Variants in FSTL4 observed in about 807,000 individuals in gnomAD.
FSTL4 encodes the protein follistatin-related protein 4.
FSTL4 carries 28 observed loss-of-function variants against 78.2 expected under a neutral mutation model. The observed-to-expected ratio is 0.36, with a 90% CI of 0.27 to 0.49. The LOEUF is 0.49. Among genes scored for constraint, FSTL4 ranks in the 20% least tolerant of loss-of-function variants. The pLI, the probability that FSTL4 is intolerant of heterozygous loss-of-function variation, is 0.98. For synonymous variants in FSTL4, 422 were observed against 440.5 expected (o/e 0.96, Z 0.53); for missense variants, 922 against 1,084.9 (o/e 0.85, Z 2.11).
At chr5:133,841,334 A>T in the FSTL4 span, among the ~76,000 whole-genome samples, 1 of 152,212 alleles carries the variant, frequency 6.6e-6, no homozygotes, top group Non-Finnish European at 1.5e-5. Flanking sequence ...AGCCATCCAG[A>T]CAATAAATAC....
At chr5:133,412,281 A>C (rs1359048387) in intron 3 of FSTL4, among the ~76,000 whole-genome samples, 2 of 152,176 alleles carry the variant, frequency 1.3e-5, no homozygotes, top group Non-Finnish European at 2.9e-5. Context: ...TAAAATCAAT[A>C]TGAGATCAAC....
the FSTL4 span, among the ~76,000 whole-genome samples, chr5:133,783,063 T>G: frequency 6.6e-6 from 1 of 152,142 alleles, no homozygotes; most frequent in East Asian, 1.9e-4. Context: ...CGCTACAAAG[T>G]TTACATTTCG....
chr5:133,609,581 A>G (rs1761048037), intron 1 of FSTL4, among the ~76,000 whole-genome samples: 1 of 152,260 alleles, frequency 6.6e-6, no homozygotes, highest in Non-Finnish European at 1.5e-5. Context: ...GAAATTAGGC[A>G]TGGAGATATA....
In FSTL4 at chr5:133,233,399, A is replaced by T; in HGVS notation, c.1015+18T>A. ...GGGAGGCTATGAGGGGACAACATGCATGGAGCCATTTACTAACCATTCACC... is the reference window on the plus strand; with the variant it reads ...GGGAGGCTATGAGGGGACAACATGCTTGGAGCCATTTACTAACCATTCACC... On this transcript the variant is annotated intron_variant, in intron 8 of 15. Transcript: ENST00000265342. The T allele has an allele frequency of 1.2e-6, 2 of 1,613,890 alleles. No homozygotes were observed. Among genetic ancestry groups the T allele is most frequent in the Non-Finnish European group, 1.7e-6 (2 of 1,179,948 alleles).
At chr5:133,793,396 G>A in the FSTL4 span, among the ~76,000 whole-genome samples, 98 of 152,376 alleles carry the variant, frequency 6.4e-4, no homozygotes, top group African/African-American at 2.3e-3. Flanking sequence ...GTGCTCCCAG[G>A]CACCCTGCTG....
At chr5:133,735,721 C>T in the FSTL4 span, among the ~76,000 whole-genome samples, 29,699 of 152,094 alleles carry the variant, frequency 0.2, 3,615 homozygotes, top group African/African-American at 0.34. Context: ...GAGGCCTCTG[C>T]AAGCTGAAGA....
chr5:133,328,151 C>G (rs931424879), intron 4 of FSTL4, among the ~76,000 whole-genome samples: 2 of 152,220 alleles, frequency 1.3e-5, no homozygotes, highest in Non-Finnish European at 2.9e-5. Context: ...GCAGACCTTG[C>G]GCCTGGTTCC....
chr5:133,301,430 C>T (rs1046923878), intron 6 of FSTL4, among the ~76,000 whole-genome samples: 3 of 152,126 alleles, frequency 2.0e-5, no homozygotes, highest in Non-Finnish European at 4.4e-5. Flanking sequence ...AAGCAACAGG[C>T]TCTGGAGAGT....
upstream of FSTL4, among the ~76,000 whole-genome samples, chr5:133,613,804 T>C (rs1761154419): frequency 1.3e-5 from 2 of 152,222 alleles, no homozygotes; most frequent in African/African-American, 4.8e-5. Context: ...CCTGGTTGAC[T>C]TCCCATGTGG....
intron 6 of FSTL4, among the ~76,000 whole-genome samples, chr5:133,282,040 C>T (rs1753021285): frequency 6.6e-6 from 1 of 152,144 alleles, no homozygotes; most frequent in East Asian, 1.9e-4. Flanking sequence ...CATGATGTGC[C>T]AAGCCCCATG....
the FSTL4 span, among the ~76,000 whole-genome samples, chr5:133,776,553 A>C: frequency 6.6e-6 from 1 of 152,040 alleles, no homozygotes; most frequent in East Asian, 1.9e-4. Context: ...TGGGTTTTCT[A>C]TCTTTTTTCC....
chr5:133,336,157 T>G (rs1194815450), intron 4 of FSTL4, among the ~76,000 whole-genome samples: 1 of 152,176 alleles, frequency 6.6e-6, no homozygotes, highest in Admixed American at 6.5e-5. Context: ...GCCCTCATCA[T>G]TTTGAGGCCC....
At chr5:133,717,470 T>A in the FSTL4 span, among the ~76,000 whole-genome samples, 7 of 152,342 alleles carry the variant, frequency 4.6e-5, no homozygotes, top group Non-Finnish European at 7.4e-5. Context: ...ATTTTAAGCA[T>A]AATGTTGATG....
At chr5:133,283,149 G>A (rs769418716) in intron 6 of FSTL4, among the ~76,000 whole-genome samples, 1 of 152,214 alleles carries the variant, frequency 6.6e-6, no homozygotes, top group Non-Finnish European at 1.5e-5. Context: ...AGATTTTCAA[G>A]AGTGGTGGTG....
At chr5:133,707,177 C>G in the FSTL4 span, among the ~76,000 whole-genome samples, 2 of 152,318 alleles carry the variant, frequency 1.3e-5, no homozygotes, top group African/African-American at 4.8e-5. Flanking sequence ...CTCCCATTCC[C>G]TAACAATCCT....
chr5:133,661,729 T>G, the FSTL4 span, among the ~76,000 whole-genome samples: 1 of 152,244 alleles, frequency 6.6e-6, no homozygotes, highest in African/African-American at 2.4e-5. Context: ...TCATAATCAT[T>G]TCTTAGAATT....
At chr5:133,753,709 G>GTC in the FSTL4 span, among the ~76,000 whole-genome samples, 1 of 132,612 alleles carries the variant, frequency 7.5e-6, no homozygotes, top group Non-Finnish European at 1.7e-5. Flanking sequence ...GTGTGTGTGT[G>GTC]TGTGTGTGTG....
At chr5:133,346,457 A>G (rs1754700139) in intron 4 of FSTL4, among the ~76,000 whole-genome samples, 1 of 152,234 alleles carries the variant, frequency 6.6e-6, no homozygotes, top group Admixed American at 6.5e-5. Context: ...CAATTACCTC[A>G]CTGCCTTCCA....
At chr5:133,322,559 C>T (rs931616753) in intron 4 of FSTL4, among the ~76,000 whole-genome samples, 1 of 152,150 alleles carries the variant, frequency 6.6e-6, no homozygotes, top group African/African-American at 2.4e-5. Flanking sequence ...TGGGTTGCCG[C>T]CGTGGGCAAT....
Sources: gnomAD v4.1 joint callset for allele counts (sites outside exome capture counted in the v4.1 genomes callset) on GRCh38, gnomAD v4.1.1 for gene constraint, MANE v1.5 for transcripts, NCBI Gene and HGNC (gene_info 2026-07-23, HGNC 2026-07-21) for gene names.